Variants in PDZRN4 observed in about 807,000 individuals in gnomAD.
The protein encoded by PDZRN4 is PDZ domain-containing RING finger protein 4.
In PDZRN4, 70 loss-of-function variants were observed where a neutral mutation model predicts 99.0. The observed-to-expected ratio is 0.71, with a 90% CI of 0.58 to 0.86. PDZRN4 has a LOEUF of 0.86. Ranked by LOEUF, PDZRN4 falls within the 40% of genes least tolerant of loss-of-function variation. The pLI is 0.00. For missense variants in PDZRN4, 1,474 were observed against 1,331.2 expected (o/e 1.11, Z -1.67); for synonymous variants, 551 against 501.6 (o/e 1.10, Z -1.32).
chr12:41,236,362 A>G (rs998386729), intron 3 of PDZRN4, among the ~76,000 whole-genome samples: 50 of 152,076 alleles, frequency 3.3e-4, no homozygotes, highest in African/African-American at 1.1e-3. Context: ...GCTTCACAGT[A>G]CTTGGACTGA....
At chr12:41,317,088 TTACA>T (rs1254559750) in intron 3 of PDZRN4, among the ~76,000 whole-genome samples, 1 of 49,126 alleles carries the variant, frequency 2.0e-5, no homozygotes, top group African/African-American at 3.8e-5. Context: ...TATTTGTATA[TTACA>T]TAGAGAATTA....
intron 3 of PDZRN4, among the ~76,000 whole-genome samples, chr12:41,406,914 T>C (rs1465633001): frequency 6.6e-6 from 1 of 150,856 alleles, no homozygotes; most frequent in Non-Finnish European, 1.5e-5. Flanking sequence ...ATTTCCCATG[T>C]GTGTGTGGCA....
At chr12:41,366,354 A>G (rs1416530807) in intron 3 of PDZRN4, among the ~76,000 whole-genome samples, 1 of 152,130 alleles carries the variant, frequency 6.6e-6, no homozygotes, top group Non-Finnish European at 1.5e-5. Flanking sequence ...TGACAGAACA[A>G]TTTATCTTGA....
At position 41,406,509 on chromosome 12, in the gene PDZRN4, A is replaced by T. The variant is rs76421675; in HGVS notation, c.844-99947A>T. 8.8e-3 allele frequency among the ~76,000 whole-genome samples: 1,333 copies of T among 152,268 alleles called. 12 individuals carry two copies. The highest frequency in any genetic ancestry group is 0.014 in the Non-Finnish European group (961 of 68,026). The stretch of plus-strand genomic sequence containing the variant: ...CTCATCTTGATCAATCCAACTTATG[A>T]CTTCTCATTATCAATCTGTTGAATG... On this transcript the variant is annotated intron_variant, in intron 3 of 9. Coordinates refer to ENST00000402685, the MANE Select transcript of PDZRN4 (RefSeq NM_001164595.2).
At chr12:41,230,535 A>G (rs1166316123) in intron 3 of PDZRN4, among the ~76,000 whole-genome samples, 1 of 152,108 alleles carries the variant, frequency 6.6e-6, no homozygotes, top group East Asian at 1.9e-4. Flanking sequence ...CTCCACTGGC[A>G]TGTATCCCAA....
intron 3 of PDZRN4, among the ~76,000 whole-genome samples, chr12:41,249,980 C>T (rs752422430): frequency 3.9e-5 from 6 of 152,118 alleles, no homozygotes; most frequent in East Asian, 1.9e-4. Context: ...GAAGCATAGT[C>T]GTGAGATAGA....
chr12:41,492,350 GA>G (rs1359552567), intron 3 of PDZRN4, among the ~76,000 whole-genome samples: 1 of 152,118 alleles, frequency 6.6e-6, no homozygotes, highest in Admixed American at 6.6e-5. Flanking sequence ...TCCCGTTAGA[GA>G]GTTTCTTTCA....
chr12:41,312,510 T>C (rs1024264739), intron 3 of PDZRN4, among the ~76,000 whole-genome samples: 1 of 152,182 alleles, frequency 6.6e-6, no homozygotes, highest in Non-Finnish European at 1.5e-5. Flanking sequence ...TATCTGAGAC[T>C]GGGTAATTTA....
At chr12:41,330,466 T>C (rs1951735420) in intron 3 of PDZRN4, among the ~76,000 whole-genome samples, 1 of 146,154 alleles carries the variant, frequency 6.8e-6, no homozygotes. Context: ...TCATATAACT[T>C]GCAGTTCTGT....
intron 3 of PDZRN4, among the ~76,000 whole-genome samples, chr12:41,454,792 G>T (rs989985558): frequency 6.6e-6 from 1 of 152,198 alleles, no homozygotes; most frequent in Non-Finnish European, 1.5e-5. Context: ...GAACTAAGGA[G>T]ACTACAGTTA....
At chr12:41,295,016 G>A (rs112617197) in intron 3 of PDZRN4, among the ~76,000 whole-genome samples, 3,113 of 151,774 alleles carry the variant, frequency 0.021, 79 homozygotes, top group African/African-American at 0.058. Flanking sequence ...AAAAAAAATC[G>A]CAGTAGCTCT....
chr12:41,277,008 T>C (rs979917440), intron 3 of PDZRN4, among the ~76,000 whole-genome samples: 1 of 152,200 alleles, frequency 6.6e-6, no homozygotes, highest in Non-Finnish European at 1.5e-5. Context: ...CTCTCTGTAC[T>C]ATATTTACCA....
At chr12:41,464,266 A>G (rs965829061) in intron 3 of PDZRN4, among the ~76,000 whole-genome samples, 3 of 150,186 alleles carry the variant, frequency 2.0e-5, no homozygotes, top group Admixed American at 6.7e-5. Context: ...GAATTAGCCC[A>G]GTTCTAGCTT....
chr12:41,489,488 G>C (rs1937841237), intron 3 of PDZRN4, among the ~76,000 whole-genome samples: 1 of 152,064 alleles, frequency 6.6e-6, no homozygotes. Context: ...TTGTATTAGA[G>C]TAATCATGAG....
chr12:41,404,604 T>C (rs988965374), intron 3 of PDZRN4, among the ~76,000 whole-genome samples: 3 of 152,088 alleles, frequency 2.0e-5, no homozygotes, highest in African/African-American at 7.2e-5. Context: ...ACAGATCCAA[T>C]GTACTTCCTA....
chr12:41,249,854 G>T (rs949243983), intron 3 of PDZRN4, among the ~76,000 whole-genome samples: 2 of 152,186 alleles, frequency 1.3e-5, no homozygotes, highest in African/African-American at 4.8e-5. Flanking sequence ...TATAGAGTTT[G>T]GATTTGGCAA....
chr12:41,538,220 GATA>G (rs1938783012), intron 5 of PDZRN4, among the ~76,000 whole-genome samples: 1 of 151,890 alleles, frequency 6.6e-6, no homozygotes, highest in Admixed American at 6.6e-5. Context: ...TAACCATCTT[GATA>G]ATAACAGCAA....
chr12:41,328,457 T>G (rs1244097225), intron 3 of PDZRN4, among the ~76,000 whole-genome samples: 4 of 152,108 alleles, frequency 2.6e-5, no homozygotes, highest in African/African-American at 4.8e-5. Flanking sequence ...AGTTCATGGT[T>G]ACAGTGAGCT....
intron 3 of PDZRN4, among the ~76,000 whole-genome samples, chr12:41,391,030 C>G (rs898392262): frequency 6.6e-6 from 1 of 152,132 alleles, no homozygotes. Flanking sequence ...TTCAAATGTT[C>G]CCGGAGTATT....
Sources: gnomAD v4.1 joint callset for allele counts (sites outside exome capture counted in the v4.1 genomes callset) on GRCh38, gnomAD v4.1.1 for gene constraint, MANE v1.5 for transcripts, NCBI Gene and HGNC (gene_info 2026-07-23, HGNC 2026-07-21) for gene names.